BANK1: variants seen among roughly 807,000 people sequenced by gnomAD.
The protein encoded by BANK1 is B cell scaffold protein with ankyrin repeats 1, also known as B-cell scaffold protein with ankyrin repeats.
In BANK1, 95 loss-of-function variants were observed where a neutral mutation model predicts 94.5. The observed-to-expected ratio is 1.00, with a 90% CI of 0.85 to 1.19. The LOEUF (loss-of-function observed/expected upper bound fraction) is 1.19. Among genes scored for constraint, BANK1 ranks in the 50% most tolerant of loss-of-function variants. The pLI, the probability that BANK1 is intolerant of heterozygous loss-of-function variation, is 0.00. For missense variants in BANK1, 987 were observed against 932.2 expected (o/e 1.06, Z -0.77); for synonymous variants, 334 against 308.4 (o/e 1.08, Z -0.87).
At chr4:101,933,589 A>G (rs537902788) in intron 7 of BANK1, among the ~76,000 whole-genome samples, 2 of 151,718 alleles carry the variant, frequency 1.3e-5, no homozygotes, top group East Asian at 2.0e-4. Flanking sequence ...ATAATTTAGC[A>G]TATATAATGT....
At chr4:101,961,315 C>T (rs1285261289) in intron 7 of BANK1, among the ~76,000 whole-genome samples, 1 of 152,104 alleles carries the variant, frequency 6.6e-6, no homozygotes, top group Non-Finnish European at 1.5e-5. Context: ...TAGCGTCAGC[C>T]ATGTCCAGAC....
Position 102,053,663 on chromosome 4 carries a change from C to T in BANK1, c.1970-6548C>T, listed in dbSNP as rs151218389. Among the ~76,000 whole-genome samples, 1,039 of 151,246 alleles carry T rather than the reference C, an allele frequency of 6.9e-3. 13 individuals carry two copies. Among genetic ancestry groups the T allele is most frequent in the African/African-American group, 0.024 (1,005 of 41,352 alleles). On this transcript the variant is annotated intron_variant, in intron 11 of 16. Coordinates refer to ENST00000322953, the MANE Select transcript of BANK1 (RefSeq NM_017935.5). ...ATGAGGAATTAAACAAAATAAAAAG[C>T]TTAAAAAGAAATTACATTATTAAAA...
chr4:101,807,416 T>C (rs1182067273), intron 1 of BANK1, among the ~76,000 whole-genome samples: 1 of 152,182 alleles, frequency 6.6e-6, no homozygotes, highest in Admixed American at 6.5e-5. Context: ...CTCTCTTTGA[T>C]AGTGTTGGAA....
intron 3 of BANK1, among the ~76,000 whole-genome samples, chr4:101,858,133 G>A (rs1443934178): frequency 6.6e-6 from 1 of 152,130 alleles, no homozygotes; most frequent in African/African-American, 2.4e-5. Context: ...TCTCTTCCCT[G>A]TGCAGTCCAT....
intron 6 of BANK1, among the ~76,000 whole-genome samples, chr4:101,906,868 T>G (rs1722471035): frequency 1.3e-5 from 2 of 152,142 alleles, no homozygotes; most frequent in African/African-American, 4.8e-5. Context: ...CAAGACCACC[T>G]CAGTTGGGGA....
At chr4:101,813,328 A>G (rs959205455) in intron 1 of BANK1, among the ~76,000 whole-genome samples, 1 of 152,176 alleles carries the variant, frequency 6.6e-6, no homozygotes, top group Non-Finnish European at 1.5e-5. Context: ...AGCTATTTCA[A>G]TTTATTTTCC....
intron 5 of BANK1, among the ~76,000 whole-genome samples, chr4:101,895,096 A>G (rs1028840596): frequency 6.6e-6 from 1 of 151,778 alleles, no homozygotes; most frequent in South Asian, 2.1e-4. Flanking sequence ...AGAGACTTTT[A>G]TTTCTTGAAT....
At chr4:101,959,683 TTAATCA>T in intron 7 of BANK1, among the ~76,000 whole-genome samples, 1 of 152,140 alleles carries the variant, frequency 6.6e-6, no homozygotes, top group East Asian at 1.9e-4. Context: ...TACTGGTGAG[TTAATCA>T]AATGTGGTCA....
chr4:101,956,214 G>A (rs62322693), intron 7 of BANK1, among the ~76,000 whole-genome samples: 10,076 of 152,130 alleles, frequency 0.066, 579 homozygotes, highest in East Asian at 0.19. Context: ...TGGATTGTTT[G>A]AGCAAAGGCA....
chr4:101,893,134 C>A (rs750658708), intron 5 of BANK1, among the ~76,000 whole-genome samples: 4 of 151,852 alleles, frequency 2.6e-5, no homozygotes, highest in Non-Finnish European at 5.9e-5. Context: ...ATGTGGTGAC[C>A]TTTTTTTCTC....
At chr4:101,871,419 A>G (rs1274309015) in intron 5 of BANK1, among the ~76,000 whole-genome samples, 3 of 152,048 alleles carry the variant, frequency 2.0e-5, no homozygotes, top group African/African-American at 7.3e-5. Context: ...TAAGGTTTTT[A>G]ACAAAACTGT....
At chr4:102,022,014 T>C (rs956655054) in intron 8 of BANK1, among the ~76,000 whole-genome samples, 2 of 152,102 alleles carry the variant, frequency 1.3e-5, no homozygotes, top group Non-Finnish European at 2.9e-5. Context: ...TACATTCTAA[T>C]GTCTGAAGAA....
intron 5 of BANK1, among the ~76,000 whole-genome samples, chr4:101,875,706 G>A (rs1180497682): frequency 1.3e-5 from 2 of 152,192 alleles, no homozygotes; most frequent in Non-Finnish European, 2.9e-5. Context: ...GAGAGAGCAT[G>A]TAAACCAGCC....
intron 6 of BANK1, among the ~76,000 whole-genome samples, chr4:101,899,690 C>T (rs1454386653): frequency 6.6e-6 from 1 of 151,870 alleles, no homozygotes; most frequent in Non-Finnish European, 1.5e-5. Flanking sequence ...GAGTACAAAA[C>T]AGGAAGGAAA....
At chr4:102,063,196 G>C in intron 13 of BANK1, 58 bp downstream of exon 13, 1 of 1,475,072 alleles carries the variant, frequency 6.8e-7, no homozygotes, top group Non-Finnish European at 9.5e-7. Flanking sequence ...GAAAATTCAA[G>C]GACTGTGGAG....
chr4:101,917,098 A>T (rs568008244), intron 6 of BANK1, among the ~76,000 whole-genome samples: 1 of 151,998 alleles, frequency 6.6e-6, no homozygotes, highest in Non-Finnish European at 1.5e-5. Context: ...TTTTCAAAAA[A>T]GCAATGAGAT....
chr4:101,829,980 A>G lies in BANK1; in HGVS notation c.243A>G (p.Lys81=), dbSNP rs767974135. 6.2e-7 allele frequency: 1 copy of G among 1,613,444 alleles called. No homozygotes were observed. Among genetic ancestry groups the G allele is most frequent in the African/African-American group, 1.3e-5 (1 of 74,874 alleles). Residue 81 remains lysine, a synonymous_variant, in exon 2 of 17, where the codon AAA becomes AAG. Transcript: ENST00000322953. The stretch of plus-strand genomic sequence containing the variant: ...TGAACTTAACGTCTTACAAATGTAA[A>G]CTTTTGATATTATCAAATAGCCTGC... ...ELLNLTSYKC[K]LLILSNSLLR...
chr4:102,016,790 T>C (rs1177366534), intron 7 of BANK1, among the ~76,000 whole-genome samples: 1 of 152,188 alleles, frequency 6.6e-6, no homozygotes. Flanking sequence ...AATATCCTTT[T>C]CTGAATCCTA....
At chr4:101,967,529 A>G (rs1479910685) in intron 7 of BANK1, among the ~76,000 whole-genome samples, 1 of 152,022 alleles carries the variant, frequency 6.6e-6, no homozygotes, top group Non-Finnish European at 1.5e-5. Context: ...AAATAAATAT[A>G]TGGGAAGTTC....
Sources: allele counts gnomAD v4.1 joint callset (sites outside exome capture counted in the v4.1 genomes callset), GRCh38; gene constraint gnomAD v4.1.1; transcripts MANE v1.5; gene names NCBI Gene and HGNC (gene_info 2026-07-23, HGNC 2026-07-21).